APLF: variants seen among roughly 807,000 people sequenced by gnomAD.
APLF encodes aprataxin and PNKP like factor, also known as aprataxin and PNK-like factor.
APLF carries 61 observed loss-of-function variants against 55.6 expected under a neutral mutation model. The observed-to-expected ratio is 1.10, with a 90% CI of 0.89 to 1.36. The LOEUF (loss-of-function observed/expected upper bound fraction) is 1.36. APLF is among the 40% of genes most tolerant of loss of function. APLF has a pLI of 0.00. For missense variants in APLF, 611 were observed against 602.5 expected, an observed-to-expected ratio of 1.01 and a Z score of -0.15; for synonymous variants, 207 against 214.8, an observed-to-expected ratio of 0.96 and a Z score of 0.32.
intron 1 of APLF, among the ~76,000 whole-genome samples, chr2:68,478,322 A>G (rs561488484): frequency 6.6e-6 from 1 of 152,212 alleles, no homozygotes; most frequent in Non-Finnish European, 1.5e-5. Flanking sequence ...TGAAGCTTTC[A>G]CTGCAGCTAT....
At chr2:68,528,481 C>A (rs1421085027) in intron 6 of APLF, 1 of 1,533,936 alleles carries the variant, frequency 6.5e-7, no homozygotes. Flanking sequence ...GTGGTGGCCC[C>A]GACAGTTTTC....
chr2:68,576,950 T>A (rs566264085), intron 9 of APLF, among the ~76,000 whole-genome samples: 1 of 152,186 alleles, frequency 6.6e-6, no homozygotes, highest in Non-Finnish European at 1.5e-5. Context: ...TTTCACTGCT[T>A]TATTTTAAAG....
intron 5 of APLF, among the ~76,000 whole-genome samples, chr2:68,524,960 G>A (rs1558542066): frequency 6.6e-6 from 1 of 152,184 alleles, no homozygotes; most frequent in Non-Finnish European, 1.5e-5. Flanking sequence ...AATGTCCATT[G>A]TTATTGAGAT....
At position 68,519,086 on chromosome 2, in the gene APLF, A is replaced by G. The variant is rs1157398311; in HGVS notation, c.622+5406A>G. 4.8e-5 allele frequency among the ~76,000 whole-genome samples: 6 copies of G among 124,914 alleles called. No homozygotes were observed. The East Asian group carries it at 1.0e-3, about 21-fold the overall frequency. 81.9% of individuals were successfully genotyped at this position (124,914 alleles called of 152,430 possible). A position where few individuals can be genotyped will look rare whatever the true frequency, so the allele number is the denominator to read the frequency against. On this transcript the variant is annotated intron_variant, in intron 5 of 9. Transcript: ENST00000303795. The stretch of plus-strand genomic sequence containing the variant: ...AATATATAATAATAATATAATATAT[A>G]ATTAATATATAATAATATAATATAT...
intron 7 of APLF, among the ~76,000 whole-genome samples, chr2:68,538,691 T>C (rs28676397): frequency 1.3e-5 from 2 of 152,190 alleles, no homozygotes; most frequent in South Asian, 4.1e-4. Context: ...TAATCCTGGA[T>C]TGATGGGTTG....
intron 6 of APLF, among the ~76,000 whole-genome samples, chr2:68,536,455 A>G (rs1670390393): frequency 1.3e-5 from 2 of 152,228 alleles, no homozygotes; most frequent in African/African-American, 4.8e-5. Context: ...GTCTTTAGTT[A>G]TAAGTGGAAG....
In APLF at chr2:68,570,654, C is replaced by T. The variant is rs373960423; in HGVS notation, c.1333+3267C>T. On this transcript the variant is annotated intron_variant, in intron 9 of 9. Transcript: ENST00000303795. ...TTTTTTATGGCTGCATAGTATTCCACGGTGTATATGTGCCACATTTTCTTA... is the reference window on the plus strand; with the variant it reads ...TTTTTTATGGCTGCATAGTATTCCATGGTGTATATGTGCCACATTTTCTTA... Among the ~76,000 whole-genome samples, 950 of 152,120 alleles carry T rather than the reference C, an allele frequency of 6.2e-3. 8 individuals are homozygous for T. The highest frequency in any genetic ancestry group is 0.022 in the African/African-American group (894 of 41,506).
At chr2:68,553,092 G>A (rs147094179) in intron 8 of APLF, among the ~76,000 whole-genome samples, 1 of 152,144 alleles carries the variant, frequency 6.6e-6, no homozygotes, top group African/African-American at 2.4e-5. Context: ...TTCCCTCCTC[G>A]AGACCAGAAT....
intron 2 of APLF, among the ~76,000 whole-genome samples, chr2:68,497,096 A>G (rs1676571604): frequency 6.6e-6 from 1 of 152,138 alleles, no homozygotes; most frequent in Non-Finnish European, 1.5e-5. Flanking sequence ...TAATTTATAA[A>G]AAGAGGTTTA....
intron 5 of APLF, among the ~76,000 whole-genome samples, chr2:68,525,742 CTTTTTTTTTTTTTTT>C (rs386390398): frequency 1.2e-5 from 1 of 82,036 alleles, no homozygotes; most frequent in Admixed American, 1.5e-4. Flanking sequence ...TTCTTTCTTT[CTTTTTTTTTTTTTTT>C]TTTTTTTTTT....
intron 5 of APLF, among the ~76,000 whole-genome samples, chr2:68,518,980 A>ATG (rs1669789851): frequency 8.1e-6 from 1 of 123,452 alleles, no homozygotes; most frequent in Non-Finnish European, 1.6e-5. Flanking sequence ...TATGCTATTA[A>ATG]TATACAATAT....
At chr2:68,531,459 C>T (rs74352213) in intron 6 of APLF, 3,886 of 152,308 alleles carry the variant, frequency 0.026, 63 homozygotes, top group South Asian at 0.043. Flanking sequence ...CTCCTCACTC[C>T]TACCCTCTCT....
Position 68,486,762 on chromosome 2 carries a change from T to C in APLF, c.97-3428T>C, listed in dbSNP as rs190981622. ...GTTGTGATTAGAATTTAGGTGACTA[T>C]AATTATTCTATAAAAATTGGAATTC... On this transcript the variant is annotated intron_variant, in intron 1 of 9. Coordinates refer to ENST00000303795, the MANE Select transcript of APLF (RefSeq NM_173545.3). 2.6e-5 allele frequency among the ~76,000 whole-genome samples: 4 copies of C among 152,070 alleles called. No individual in the cohort carries two copies. In the East Asian group the frequency reaches 7.7e-4, roughly 29 times the overall value.
At chr2:68,469,393 C>T (rs1028839234) in intron 1 of APLF, among the ~76,000 whole-genome samples, 1 of 152,116 alleles carries the variant, frequency 6.6e-6, no homozygotes, top group African/African-American at 2.4e-5. Context: ...CAGACCGTTT[C>T]ATTATTTGTA....
intron 2 of APLF, among the ~76,000 whole-genome samples, chr2:68,500,142 A>G (rs774895944): frequency 1.3e-5 from 2 of 152,178 alleles, no homozygotes; most frequent in South Asian, 2.1e-4. Context: ...TCATGTACGT[A>G]TAGCATTTTA....
intron 8 of APLF, among the ~76,000 whole-genome samples, chr2:68,562,699 A>C (rs899508249): frequency 1.6e-4 from 24 of 152,058 alleles, no homozygotes; most frequent in Admixed American, 9.2e-4. Flanking sequence ...GCTATGAACA[A>C]GTTCATAAAA....
At chr2:68,565,891 C>G (rs1671295318) in intron 8 of APLF, among the ~76,000 whole-genome samples, 1 of 151,940 alleles carries the variant, frequency 6.6e-6, no homozygotes, top group African/African-American at 2.4e-5. Flanking sequence ...ATAATTTTGC[C>G]TGGACGTCTT....
At chr2:68,538,965 T>A (rs1270901908) in intron 7 of APLF, among the ~76,000 whole-genome samples, 2 of 152,176 alleles carry the variant, frequency 1.3e-5, no homozygotes, top group Non-Finnish European at 2.9e-5. Context: ...AAACATTCAG[T>A]TCCCCCCACT....
intron 9 of APLF, among the ~76,000 whole-genome samples, chr2:68,572,850 A>G (rs1171964894): frequency 2.0e-5 from 3 of 152,166 alleles, no homozygotes; most frequent in Non-Finnish European, 4.4e-5. Flanking sequence ...ACAAAACAAA[A>G]CAAAACAAAA....
Sources: gnomAD v4.1 joint callset for allele counts (sites outside exome capture counted in the v4.1 genomes callset) on GRCh38, gnomAD v4.1.1 for gene constraint, MANE v1.5 for transcripts, NCBI Gene and HGNC (gene_info 2026-07-23, HGNC 2026-07-21) for gene names.